Variants in NCAM2 observed in about 807,000 individuals in gnomAD.
NCAM2 encodes neural cell adhesion molecule 2, also known as N-CAM-2.
A neutral mutation model predicts 98.1 loss-of-function variants in NCAM2; 30 were observed. The observed-to-expected ratio is 0.31, with a 90% CI of 0.23 to 0.41. The LOEUF is 0.41. Ranked by LOEUF, NCAM2 falls within the 10% of genes least tolerant of loss-of-function variation. The pLI, the probability that NCAM2 is intolerant of heterozygous loss-of-function variation, is 1.00. For missense variants in NCAM2, 867 were observed against 1,005.8 expected, an observed-to-expected ratio of 0.86 and a Z score of 1.87; for synonymous variants, 368 against 342.4, an observed-to-expected ratio of 1.07 and a Z score of -0.83.
intron 1 of NCAM2, among the ~76,000 whole-genome samples, chr21:21,254,814 A>G (rs1028164878): frequency 1.3e-5 from 2 of 152,108 alleles, no homozygotes; most frequent in Non-Finnish European, 2.9e-5. Context: ...ATTTGTGGCA[A>G]GGTTGTTTAT....
chr21:21,270,005 T>A (rs564913205), intron 1 of NCAM2, among the ~76,000 whole-genome samples: 1 of 152,262 alleles, frequency 6.6e-6, no homozygotes, highest in East Asian at 1.9e-4. Context: ...GGAGAGAGAA[T>A]ACCCACATTG....
intron 16 of NCAM2, among the ~76,000 whole-genome samples, chr21:21,524,529 A>AC (rs964503193): frequency 2.6e-5 from 4 of 151,874 alleles, no homozygotes; most frequent in Non-Finnish European, 5.9e-5. Context: ...AAACTCTGTA[A>AC]CAAAAAAAAA....
At chr21:21,282,830 A>G (rs563282466) in intron 2 of NCAM2, among the ~76,000 whole-genome samples, 1 of 151,998 alleles carries the variant, frequency 6.6e-6, no homozygotes, top group South Asian at 2.1e-4. Context: ...TATTTGTTAG[A>G]GATGCCTGAA....
intron 1 of NCAM2, among the ~76,000 whole-genome samples, chr21:21,054,928 A>G (rs575766096): frequency 6.6e-6 from 1 of 152,178 alleles, no homozygotes; most frequent in African/African-American, 2.4e-5. Context: ...TCTTATATGT[A>G]GAAACGAAGT....
chr21:21,060,505 T>C (rs1275673112), intron 1 of NCAM2, among the ~76,000 whole-genome samples: 1 of 152,132 alleles, frequency 6.6e-6, no homozygotes, highest in Non-Finnish European at 1.5e-5. Context: ...AAGCAGACAA[T>C]TTTAGAAATC....
intron 1 of NCAM2, among the ~76,000 whole-genome samples, chr21:21,052,863 A>C (rs569317780): frequency 3.3e-5 from 5 of 152,302 alleles, no homozygotes; most frequent in Admixed American, 2.6e-4. Context: ...AGTCAGCACA[A>C]AATTTGTGTC....
intron 1 of NCAM2, among the ~76,000 whole-genome samples, chr21:21,183,741 C>T (rs1244579758): frequency 6.6e-6 from 1 of 152,016 alleles, no homozygotes; most frequent in Non-Finnish European, 1.5e-5. Context: ...ACTACTTGTT[C>T]TATGCATTGT....
intron 10 of NCAM2, among the ~76,000 whole-genome samples, chr21:21,416,006 C>T (rs1439125010): frequency 2.0e-5 from 3 of 152,082 alleles, no homozygotes; most frequent in Non-Finnish European, 4.4e-5. Flanking sequence ...TACCACTTGG[C>T]TGTTTGTTGC....
chr21:20,999,719 T>C (rs2063984786), intron 1 of NCAM2, among the ~76,000 whole-genome samples: 1 of 152,192 alleles, frequency 6.6e-6, no homozygotes, highest in Non-Finnish European at 1.5e-5. Flanking sequence ...AGATATTCAG[T>C]TCTAAGCATT....
intron 6 of NCAM2, among the ~76,000 whole-genome samples, chr21:21,328,454 T>G (rs527409218): frequency 4.3e-4 from 66 of 152,168 alleles, no homozygotes; most frequent in African/African-American, 1.5e-3. Context: ...TCCTAGGAGA[T>G]GCCAGCTCCA....
rs751975190 is a variant in NCAM2 at position 21,428,521 on chromosome 21, C to T, written c.1481-3587C>T. On this transcript the variant is annotated intron_variant, in intron 11 of 17. Coordinates refer to ENST00000400546, the MANE Select transcript of NCAM2 (RefSeq NM_004540.5). Reference sequence around the variant, plus strand: ...AGATTGATTTTGCATTTGCATGCCTCGTGCATTGATGTTTTTGTTAGACAT... The same window carrying T: ...AGATTGATTTTGCATTTGCATGCCTTGTGCATTGATGTTTTTGTTAGACAT... Among the ~76,000 whole-genome samples the T allele has an allele frequency of 2.8e-4, 42 of 152,218 alleles. 1 individual carries two copies. Among genetic ancestry groups the T allele is most frequent in the Admixed American group, 4.6e-4 (7 of 15,286 alleles).
At chr21:21,235,380 ATAATATCAAATTTAT>A (rs1425946536) in intron 1 of NCAM2, among the ~76,000 whole-genome samples, 4 of 152,092 alleles carry the variant, frequency 2.6e-5, no homozygotes, top group Non-Finnish European at 4.4e-5. Context: ...CTCTGATTAA[ATAATATCAAATTTAT>A]TTGTTATGTA....
chr21:21,413,876 A>T (rs2076935166), intron 10 of NCAM2, among the ~76,000 whole-genome samples: 1 of 152,180 alleles, frequency 6.6e-6, no homozygotes, highest in Admixed American at 6.6e-5. Context: ...ACTTCCTTTC[A>T]TGAAAGATCT....
chr21:21,474,987 T>C (rs1984972304), intron 14 of NCAM2, among the ~76,000 whole-genome samples: 1 of 150,334 alleles, frequency 6.7e-6, no homozygotes, highest in African/African-American at 2.4e-5. Flanking sequence ...TCTATATATA[T>C]AACACATATA....
chr21:20,999,913 C>T (rs1217888423), intron 1 of NCAM2, among the ~76,000 whole-genome samples: 2 of 152,148 alleles, frequency 1.3e-5, no homozygotes, highest in Non-Finnish European at 2.9e-5. Context: ...GTGTTAGTGG[C>T]GGATGAAACA....
chr21:21,118,321 C>G (rs747521849), intron 1 of NCAM2, among the ~76,000 whole-genome samples: 42 of 152,016 alleles, frequency 2.8e-4, no homozygotes, highest in Non-Finnish European at 5.7e-4. Context: ...ACAAACAACC[C>G]AAAGATGCAG....
intron 15 of NCAM2, among the ~76,000 whole-genome samples, chr21:21,499,990 A>T (rs1602507692): frequency 6.6e-6 from 1 of 152,180 alleles, no homozygotes; most frequent in East Asian, 1.9e-4. Flanking sequence ...TGTGCATTAC[A>T]TATTTCAATA....
chr21:21,348,297 C>G (rs1364523057), intron 8 of NCAM2, among the ~76,000 whole-genome samples: 4 of 152,010 alleles, frequency 2.6e-5, no homozygotes, highest in Non-Finnish European at 4.4e-5. Flanking sequence ...AAATCAGTAG[C>G]ATTTTTATAT....
intron 1 of NCAM2, among the ~76,000 whole-genome samples, chr21:21,152,650 T>C (rs2067481095): frequency 6.6e-6 from 1 of 151,916 alleles, no homozygotes; most frequent in Non-Finnish European, 1.5e-5. Flanking sequence ...CCGTTTTGGG[T>C]TTTTTGGGGT....
Sources: allele counts gnomAD v4.1 joint callset (sites outside exome capture counted in the v4.1 genomes callset), GRCh38; gene constraint gnomAD v4.1.1; transcripts MANE v1.5; gene names NCBI Gene and HGNC (gene_info 2026-07-23, HGNC 2026-07-21).